SLC22A24: variants seen among roughly 807,000 people sequenced by gnomAD.
SLC22A24 encodes the protein solute carrier family 22 member 24, also known as steroid transmembrane transporter SLC22A24.
In SLC22A24, 53 loss-of-function variants were observed where a neutral mutation model predicts 49.8. The ratio of observed to expected loss-of-function variants is 1.06; its 90% CI spans 0.85 to 1.34. The LOEUF (loss-of-function observed/expected upper bound fraction) is 1.34. Among genes scored for constraint, SLC22A24 ranks in the 40% most tolerant of loss-of-function variants. The pLI is 0.00. For synonymous variants in SLC22A24, 302 were observed against 256.4 expected (o/e 1.18, Z -1.70); for missense variants, 786 against 675.9 (o/e 1.16, Z -1.81).
At chr11:63,111,514 C>T (rs1342558507) in intron 4 of SLC22A24, among the ~76,000 whole-genome samples, 1 of 152,076 alleles carries the variant, frequency 6.6e-6, no homozygotes, top group African/African-American at 2.4e-5. Flanking sequence ...TTGATTATTG[C>T]CACAATTTCA....
intron 5 of SLC22A24, among the ~76,000 whole-genome samples, chr11:63,103,575 G>A (rs1565328050): frequency 6.6e-6 from 1 of 152,100 alleles, no homozygotes; most frequent in East Asian, 1.9e-4. Context: ...GTCAGGCTCT[G>A]GCTTCCAGTC....
intron 6 of SLC22A24, among the ~76,000 whole-genome samples, chr11:63,087,024 G>GCGCGCGCA (rs376936925): frequency 0.019 from 2,506 of 132,616 alleles, 35 homozygotes; most frequent in Middle Eastern, 0.042. Context: ...CCTGGAGGGC[G>GCGCGCGCA]CACACACACA....
intron 4 of SLC22A24, among the ~76,000 whole-genome samples, chr11:63,109,926 C>T (rs911872530): frequency 2.0e-5 from 3 of 152,076 alleles, no homozygotes; most frequent in Non-Finnish European, 2.9e-5. Flanking sequence ...CTTGCCCATG[C>T]CTATGTCCTG....
chr11:63,123,790 T>C (rs2087268952), intron 2 of SLC22A24, among the ~76,000 whole-genome samples: 1 of 152,224 alleles, frequency 6.6e-6, no homozygotes, highest in South Asian at 2.1e-4. Context: ...TAAAACATTT[T>C]ACAAATCCAA....
chr11:63,137,019 C>A (rs746463379), intron 1 of SLC22A24, among the ~76,000 whole-genome samples: 1 of 152,110 alleles, frequency 6.6e-6, no homozygotes, highest in Admixed American at 6.5e-5. Flanking sequence ...CACCTCCTTC[C>A]TTCTCTCGAT....
At chr11:63,126,033 A>G (rs1417325550) in intron 2 of SLC22A24, among the ~76,000 whole-genome samples, 4 of 148,352 alleles carry the variant, frequency 2.7e-5, no homozygotes, top group Admixed American at 6.8e-5. Flanking sequence ...AAATTTGTTT[A>G]AGTTCTTTTT....
Position 63,144,219 on chromosome 11 carries a change from T to G in SLC22A24, c.-440A>C, listed in dbSNP as rs2087437221. 1 of 153,386 alleles carries G rather than the reference T, an allele frequency of 6.5e-6. No individual in the cohort carries two copies. Among genetic ancestry groups the G allele is most frequent in the Non-Finnish European group, 1.5e-5 (1 of 68,864 alleles). The allele number at this position is 153,386 out of a possible 1,614,324, so 9.5% of individuals were successfully genotyped here. On this transcript the variant is annotated 5_prime_UTR_variant, in exon 1 of 10. Transcript: ENST00000612278. ...GGATATTAGAAAATCCAAAGTGAAT[T>G]GCTTTATGATGTTCTTGTACAAAGA...
chr11:63,114,316 A>G (rs927837145), intron 4 of SLC22A24, among the ~76,000 whole-genome samples: 10 of 152,020 alleles, frequency 6.6e-5, no homozygotes, highest in South Asian at 2.1e-4. Context: ...CATTAATTTG[A>G]TCTTCAATCA....
chr11:63,090,099 AAAAAAAG>A (rs2087010695), intron 6 of SLC22A24, among the ~76,000 whole-genome samples: 1 of 150,624 alleles, frequency 6.6e-6, no homozygotes, highest in Admixed American at 6.6e-5. Context: ...AAAAAAAAAA[AAAAAAAG>A]ACAAAGAATG....
At chr11:63,096,549 A>G (rs972639966) in intron 5 of SLC22A24, among the ~76,000 whole-genome samples, 1 of 152,138 alleles carries the variant, frequency 6.6e-6, no homozygotes, top group Non-Finnish European at 1.5e-5. Context: ...CTTCTGAGCA[A>G]TTATTCTCTA....
At chr11:63,118,480 C>T (rs1350677712) in intron 4 of SLC22A24, 3 of 218,940 alleles carry the variant, frequency 1.4e-5, no homozygotes, top group African/African-American at 6.9e-5. Context: ...GAAGTCGCCC[C>T]CATCCTAACT....
At chr11:63,094,536 G>C (rs1177791668) in intron 6 of SLC22A24, among the ~76,000 whole-genome samples, 1 of 152,154 alleles carries the variant, frequency 6.6e-6, no homozygotes, top group Non-Finnish European at 1.5e-5. Flanking sequence ...TCTAGTTCTA[G>C]ATCCCTGAGG....
intron 4 of SLC22A24, among the ~76,000 whole-genome samples, chr11:63,114,418 G>T (rs966574657): frequency 2.0e-5 from 3 of 152,040 alleles, no homozygotes; most frequent in Non-Finnish European, 2.9e-5. Flanking sequence ...GCTCCATCAG[G>T]TCACTTAAGG....
At chr11:63,100,433 G>T (rs2087083583) in intron 5 of SLC22A24, among the ~76,000 whole-genome samples, 1 of 152,066 alleles carries the variant, frequency 6.6e-6, no homozygotes, top group Admixed American at 6.6e-5. Context: ...CACAAAAAAT[G>T]AAAATATATT....
chr11:63,082,633 TAAAG>T (rs964360169), intron 7 of SLC22A24, among the ~76,000 whole-genome samples: 1 of 152,208 alleles, frequency 6.6e-6, no homozygotes, highest in African/African-American at 2.4e-5. Flanking sequence ...ATAAAACAGA[TAAAG>T]AGATATTAAG....
chr11:63,103,410 T>C (rs1319810494), intron 5 of SLC22A24, among the ~76,000 whole-genome samples: 1 of 152,176 alleles, frequency 6.6e-6, no homozygotes, highest in African/African-American at 2.4e-5. Context: ...ATTATAATGA[T>C]CTCTTAATTT....
chr11:63,119,390 A>T, intron 2 of SLC22A24, 55 bp from the exon 3 acceptor site: 2 of 1,430,500 alleles, frequency 1.4e-6, no homozygotes, highest in African/African-American at 2.9e-5. Context: ...ACACGTGGAA[A>T]ACTTGACAAA....
chr11:63,103,380 T>C (rs2087102535), intron 5 of SLC22A24, among the ~76,000 whole-genome samples: 1 of 152,198 alleles, frequency 6.6e-6, no homozygotes, highest in Non-Finnish European at 1.5e-5. Context: ...CATATAACCA[T>C]ATGATAGCAC....
At chr11:63,090,802 G>T (rs1329753672) in intron 6 of SLC22A24, among the ~76,000 whole-genome samples, 1 of 151,918 alleles carries the variant, frequency 6.6e-6, no homozygotes, top group Non-Finnish European at 1.5e-5. Context: ...AAATTTTGTA[G>T]CCCTGAATGC....
Sources: gnomAD v4.1 joint callset for allele counts (sites outside exome capture counted in the v4.1 genomes callset) on GRCh38, gnomAD v4.1.1 for gene constraint, MANE v1.5 for transcripts, NCBI Gene and HGNC (gene_info 2026-07-23, HGNC 2026-07-21) for gene names.